The following GRXCR1 variants were observed in gnomAD, a reference collection of about 807,000 sequenced individuals.
GRXCR1 encodes the protein glutaredoxin and cysteine rich domain containing 1, also known as glutaredoxin domain-containing cysteine-rich protein 1.
In GRXCR1, 27 loss-of-function variants were observed where a neutral mutation model predicts 27.3. The ratio of observed to expected loss-of-function variants is 0.99; its 90% CI spans 0.73 to 1.37. The LOEUF (loss-of-function observed/expected upper bound fraction) is 1.37. Ranked by LOEUF, GRXCR1 falls within the 40% of genes most tolerant of loss-of-function variation. GRXCR1 has a pLI of 0.00. For synonymous variants in GRXCR1, 122 were observed against 131.1 expected (o/e 0.93, Z 0.47); for missense variants, 379 against 354.4 (o/e 1.07, Z -0.56).
chr4:42,929,054 T>C (rs914941497), intron 1 of GRXCR1, among the ~76,000 whole-genome samples: 1 of 152,034 alleles, frequency 6.6e-6, no homozygotes, highest in Non-Finnish European at 1.5e-5. Flanking sequence ...AAACTCCAGA[T>C]ATTACCTTAT....
At chr4:42,945,067 C>T (rs935678872) in intron 1 of GRXCR1, among the ~76,000 whole-genome samples, 2 of 152,106 alleles carry the variant, frequency 1.3e-5, no homozygotes, top group African/African-American at 2.4e-5. Flanking sequence ...GAGATTAGCG[C>T]TCTTATAAAA....
intron 2 of GRXCR1, among the ~76,000 whole-genome samples, chr4:42,973,559 GC>G (rs1748436410): frequency 1.3e-5 from 2 of 151,236 alleles, no homozygotes; most frequent in African/African-American, 4.9e-5. Flanking sequence ...TTGATTAATG[GC>G]CTCACAATTC....
chr4:42,944,935 C>T (rs1747707175), intron 1 of GRXCR1, among the ~76,000 whole-genome samples: 1 of 152,054 alleles, frequency 6.6e-6, no homozygotes, highest in Non-Finnish European at 1.5e-5. Context: ...TGGTTGGAGT[C>T]ATGGTCTGAA....
At chr4:43,025,900 A>C (rs373670514) in intron 3 of GRXCR1, among the ~76,000 whole-genome samples, 5 of 150,932 alleles carry the variant, frequency 3.3e-5, no homozygotes, top group African/African-American at 7.3e-5. Context: ...GGCGTGAACC[A>C]GGGAGGCAGA....
At chr4:43,030,222 A>C (rs1417626381) in intron 3 of GRXCR1, 139 bp from the exon 4 acceptor site, 2 of 728,628 alleles carry the variant, frequency 2.7e-6, no homozygotes, top group Non-Finnish European at 4.9e-6. Context: ...TATTAATGGT[A>C]GGTGAATTCA....
chr4:42,940,015 C>A (rs1354823173), intron 1 of GRXCR1, among the ~76,000 whole-genome samples: 1 of 151,870 alleles, frequency 6.6e-6, no homozygotes, highest in Non-Finnish European at 1.5e-5. Context: ...AAAGCCTTTA[C>A]CCGTGGAGAG....
At chr4:42,978,850 G>A (rs1269870166) in intron 2 of GRXCR1, among the ~76,000 whole-genome samples, 1 of 152,104 alleles carries the variant, frequency 6.6e-6, no homozygotes, top group East Asian at 1.9e-4. Flanking sequence ...GAGACCAGGT[G>A]GAGGTAATTT....
chr4:43,009,552 C>T (rs1398551497), intron 2 of GRXCR1, among the ~76,000 whole-genome samples: 1 of 152,096 alleles, frequency 6.6e-6, no homozygotes, highest in Non-Finnish European at 1.5e-5. Flanking sequence ...AAATTCATTT[C>T]TGTCAATTGT....
chr4:43,020,355 G>A lies in GRXCR1; in HGVS notation c.629G>A (p.Gly210Asp), dbSNP rs1435628884. 6.2e-7 allele frequency: 1 copy of A among 1,603,546 alleles called. No individual in the cohort carries two copies. The highest frequency in any genetic ancestry group is 8.5e-7 in the Non-Finnish European group (1 of 1,170,566). ...CTCCCTACTCTCTCTCGTTAATAGGGTGCTGAGAAAATTTTGTCAATGAAT... is the reference window on the plus strand; with the variant it reads ...CTCCCTACTCTCTCTCGTTAATAGGATGCTGAGAAAATTTTGTCAATGAAT... ...VVFIDGHYLG[G>D]AEKILSMNES... The change falls in exon 3 of 4, where the codon GGT (glycine) becomes GAT (aspartate). Residue 210 changes from glycine (G) to aspartate (D), a missense_variant and splice_region_variant. Transcript: ENST00000399770.
chr4:42,953,967 T>C (rs1289798052), intron 1 of GRXCR1, among the ~76,000 whole-genome samples: 1 of 152,088 alleles, frequency 6.6e-6, no homozygotes, highest in East Asian at 1.9e-4. Flanking sequence ...GTCAGGAAAC[T>C]GTCCAGGATT....
intron 1 of GRXCR1, among the ~76,000 whole-genome samples, chr4:42,902,633 G>A (rs1394119534): frequency 6.6e-6 from 1 of 152,124 alleles, no homozygotes; most frequent in Non-Finnish European, 1.5e-5. Context: ...GCTGAATGAT[G>A]ACAACACATG....
At chr4:42,933,871 TCACC>T (rs1747391078) in intron 1 of GRXCR1, among the ~76,000 whole-genome samples, 4 of 151,466 alleles carry the variant, frequency 2.6e-5, no homozygotes, top group African/African-American at 9.7e-5. Flanking sequence ...AGTAAGACAC[TCACC>T]CCCAAGAAGG....
At chr4:43,016,420 T>G (rs1299022365) in intron 2 of GRXCR1, among the ~76,000 whole-genome samples, 1 of 152,224 alleles carries the variant, frequency 6.6e-6, no homozygotes. Context: ...ATGATTGTTT[T>G]GTGGAGACAG....
intron 1 of GRXCR1, among the ~76,000 whole-genome samples, chr4:42,937,595 A>G (rs1268227536): frequency 1.3e-5 from 2 of 151,882 alleles, no homozygotes; most frequent in Non-Finnish European, 2.9e-5. Flanking sequence ...GCTAAACACG[A>G]GTTCATACTG....
chr4:42,987,022 G>A (rs182884281), intron 2 of GRXCR1, among the ~76,000 whole-genome samples: 31 of 150,698 alleles, frequency 2.1e-4, no homozygotes, highest in Middle Eastern at 3.4e-3. Context: ...GTGTGTGTGT[G>A]TGTGTGTGTG....
intron 1 of GRXCR1, among the ~76,000 whole-genome samples, chr4:42,936,674 A>C (rs999271569): frequency 2.0e-5 from 3 of 151,772 alleles, no homozygotes; most frequent in Non-Finnish European, 4.4e-5. Flanking sequence ...CATCTAGGTT[A>C]GATATTTCAT....
intron 2 of GRXCR1, among the ~76,000 whole-genome samples, chr4:42,969,149 A>G (rs1204558371): frequency 6.6e-6 from 1 of 152,180 alleles, no homozygotes; most frequent in Non-Finnish European, 1.5e-5. Context: ...ATAAAATAAT[A>G]ACTAGTGTCA....
intron 1 of GRXCR1, among the ~76,000 whole-genome samples, chr4:42,951,051 T>A (rs1183651977): frequency 6.6e-6 from 1 of 152,082 alleles, no homozygotes; most frequent in African/African-American, 2.4e-5. Context: ...ATTCAGGAAA[T>A]CCAATGATGT....
chr4:42,970,135 C>T (rs1748351041), intron 2 of GRXCR1, among the ~76,000 whole-genome samples: 1 of 152,160 alleles, frequency 6.6e-6, no homozygotes, highest in African/African-American at 2.4e-5. Flanking sequence ...GGTGGGCTCC[C>T]AATGCCTTGG....
Sources: allele counts gnomAD v4.1 joint callset (sites outside exome capture counted in the v4.1 genomes callset), GRCh38; gene constraint gnomAD v4.1.1; transcripts MANE v1.5; gene names NCBI Gene and HGNC (gene_info 2026-07-23, HGNC 2026-07-21).